The following DPP6 variants were observed in gnomAD, a reference collection of about 807,000 sequenced individuals.
The protein encoded by DPP6 is A-type potassium channel modulatory protein DPP6.
A neutral mutation model predicts 122.6 loss-of-function variants in DPP6; 69 were observed. The observed-to-expected ratio is 0.56, with a 90% CI of 0.46 to 0.69. The LOEUF (loss-of-function observed/expected upper bound fraction) is 0.69. Ranked by LOEUF, DPP6 falls within the 30% of genes least tolerant of loss-of-function variation. The probability of loss-of-function intolerance (pLI) is 0.00; values close to 1 mark genes in which losing one functional copy is unlikely to be tolerated. For synonymous variants in DPP6, 418 were observed against 433.1 expected (o/e 0.97, Z 0.43); for missense variants, 928 against 1,116.9 (o/e 0.83, Z 2.41).
At chr7:153,886,312 C>CG (rs890670804), upstream of DPP6, among the ~76,000 whole-genome samples, 1 of 152,166 alleles carries the variant, frequency 6.6e-6, no homozygotes, top group Admixed American at 6.5e-5. Context: ...ATGGGAACAG[C>CG]GCCCAGGGGC....
Position 154,045,725 on chromosome 7 carries a change from A to T in DPP6, c.51+157991A>T, listed in dbSNP as rs78600243. 8.8e-4 allele frequency among the ~76,000 whole-genome samples: 134 copies of T among 152,362 alleles called. 4 individuals are homozygous for T. In the East Asian group the frequency reaches 0.024, roughly 27 times the overall value. On this transcript the variant is annotated intron_variant, in intron 1 of 25. Coordinates refer to the DPP6 transcript ENST00000404039. ...CCAAATGTACCAAAAGGAGCAAGAA[A>T]TTGAGAAAACGGCATCTATTCACAA... is the stretch of plus-strand genomic sequence containing the variant.
chr7:154,325,334 A>G (rs1443121991), intron 1 of DPP6, among the ~76,000 whole-genome samples: 1 of 152,190 alleles, frequency 6.6e-6, no homozygotes, highest in Non-Finnish European at 1.5e-5. Flanking sequence ...TGTAGGGCCT[A>G]TATAGCAAAT....
At chr7:154,629,374 G>C (rs1200699933) in intron 5 of DPP6, among the ~76,000 whole-genome samples, 2 of 151,484 alleles carry the variant, frequency 1.3e-5, no homozygotes, top group Non-Finnish European at 2.9e-5. Context: ...TCTCACCCCT[G>C]ACATCTCATG....
chr7:154,199,805 G>A (rs1799073250), intron 1 of DPP6, among the ~76,000 whole-genome samples: 1 of 151,810 alleles, frequency 6.6e-6, no homozygotes, highest in African/African-American at 2.4e-5. Flanking sequence ...ACAGGTTTTC[G>A]CCATGTTGGT....
chr7:154,528,954 G>A (rs1827630820), intron 3 of DPP6, among the ~76,000 whole-genome samples: 1 of 152,190 alleles, frequency 6.6e-6, no homozygotes, highest in Admixed American at 6.5e-5. Context: ...AATGGGAAGA[G>A]GGGCCAAGGC....
chr7:154,221,231 C>T (rs112839570), intron 1 of DPP6, among the ~76,000 whole-genome samples: 5 of 152,112 alleles, frequency 3.3e-5, no homozygotes, highest in Non-Finnish European at 7.4e-5. Context: ...ACTTCCACCC[C>T]CCGGGTTCAA....
In DPP6 at chr7:154,887,812, T is replaced by G. The variant is rs1806286766; in HGVS notation, c.2304+78T>G. ...AGTCTCCCAGCCTGCCCTGGCTGTATGGCCCACTCTGCCTTCCCCAGCCCC... is the reference window on the plus strand; with the variant it reads ...AGTCTCCCAGCCTGCCCTGGCTGTAGGGCCCACTCTGCCTTCCCCAGCCCC... On this transcript the variant is annotated intron_variant, in intron 23 of 25. Coordinates refer to ENST00000377770, the MANE Select transcript of DPP6 (RefSeq NM_130797.4). 21 of 1,517,716 alleles carry G rather than the reference T, an allele frequency of 1.4e-5. 1 individual carries two copies. The South Asian group carries it at 2.4e-4, about 17-fold the overall frequency. 94.0% of individuals were successfully genotyped at this position (1,517,716 alleles called of 1,614,324 possible).
intron 10 of DPP6, among the ~76,000 whole-genome samples, chr7:154,789,751 T>C (rs1159630817): frequency 2.6e-5 from 4 of 152,196 alleles, no homozygotes; most frequent in Non-Finnish European, 4.4e-5. Context: ...CTACAAACCT[T>C]ATAGAGCAAA....
intron 10 of DPP6, among the ~76,000 whole-genome samples, chr7:154,780,873 G>A (rs1371244421): frequency 1.3e-5 from 2 of 152,138 alleles, no homozygotes; most frequent in Non-Finnish European, 2.9e-5. Context: ...TTGGGTGGGT[G>A]GAGGGATGGA....
chr7:154,783,610 T>C (rs1243741490), intron 10 of DPP6, among the ~76,000 whole-genome samples: 6 of 152,212 alleles, frequency 3.9e-5, no homozygotes, highest in Non-Finnish European at 7.3e-5. Context: ...TGCCTTCTGT[T>C]GACGTTGAGT....
the DPP6 span, among the ~76,000 whole-genome samples, chr7:153,865,190 C>T: frequency 6.6e-4 from 101 of 152,224 alleles, no homozygotes; most frequent in Non-Finnish European, 1.1e-3. Context: ...TAAAGAAAAA[C>T]ATTTTTTGGG....
At chr7:154,856,938 A>G (rs1232431209) in intron 17 of DPP6, among the ~76,000 whole-genome samples, 1 of 152,212 alleles carries the variant, frequency 6.6e-6, no homozygotes, top group Non-Finnish European at 1.5e-5. Context: ...AGGTGACACC[A>G]TTGCGCTTGA....
In DPP6 at chr7:154,290,352, G is replaced by A. The variant is rs143601646; in HGVS notation, c.244-155862G>A. On this transcript the variant is annotated intron_variant, in intron 1 of 25. Coordinates refer to ENST00000377770, the MANE Select transcript of DPP6 (RefSeq NM_130797.4). ...GACCATTCCAAAAATGTCCTAAACT[G>A]GTATCTCGGCCCCAGTCCATCTTCT... Among the ~76,000 whole-genome samples the A allele has an allele frequency of 4.5e-3, 685 of 152,192 alleles. 2 individuals carry two copies. Among genetic ancestry groups the A allele is most frequent in the African/African-American group, 0.016 (647 of 41,506 alleles).
At chr7:154,110,884 GT>G (rs1409015887) in intron 1 of DPP6, among the ~76,000 whole-genome samples, 1 of 151,918 alleles carries the variant, frequency 6.6e-6, no homozygotes, top group Non-Finnish European at 1.5e-5. Flanking sequence ...AAAGCAAGAG[GT>G]TAATGTGGGC....
chr7:154,520,292 C>T (rs1826865171), intron 3 of DPP6, among the ~76,000 whole-genome samples: 1 of 152,172 alleles, frequency 6.6e-6, no homozygotes, highest in Non-Finnish European at 1.5e-5. Context: ...TCATCTTTTG[C>T]TTTTATCTTC....
intron 1 of DPP6, among the ~76,000 whole-genome samples, chr7:154,434,362 G>A (rs1047321973): frequency 2.0e-5 from 3 of 152,056 alleles, no homozygotes; most frequent in Admixed American, 6.6e-5. Context: ...CACAGATATC[G>A]TGCCTGCAGG....
the DPP6 span, among the ~76,000 whole-genome samples, chr7:153,777,295 T>A: frequency 1.3e-5 from 2 of 151,982 alleles, no homozygotes; most frequent in African/African-American, 4.8e-5. Context: ...CTTGTGGTAA[T>A]GCAAAATGTT....
chr7:154,533,002 C>T (rs1287570370), intron 3 of DPP6, among the ~76,000 whole-genome samples: 1 of 152,168 alleles, frequency 6.6e-6, no homozygotes. Context: ...CCTTATTTCA[C>T]AAGACACAGG....
intron 8 of DPP6, among the ~76,000 whole-genome samples, chr7:154,741,472 G>A (rs1213686982): frequency 6.6e-6 from 1 of 152,240 alleles, no homozygotes; most frequent in Admixed American, 6.5e-5. Context: ...AAAGAAGAGA[G>A]CACCTTTCAG....
Sources: allele counts gnomAD v4.1 joint callset (sites outside exome capture counted in the v4.1 genomes callset), GRCh38; gene constraint gnomAD v4.1.1; transcripts MANE v1.5; gene names NCBI Gene and HGNC (gene_info 2026-07-23, HGNC 2026-07-21).